Variants in SCUBE1 observed in about 807,000 individuals in gnomAD.
SCUBE1 encodes signal peptide, CUB domain and EGF like domain containing 1, also known as signal peptide, CUB and EGF-like domain-containing protein 1.
SCUBE1 carries 59 observed loss-of-function variants against 124.4 expected under a neutral mutation model. The observed-to-expected ratio is 0.47, with a 90% CI of 0.38 to 0.59. The LOEUF (loss-of-function observed/expected upper bound fraction) is 0.59, where lower values mean the gene tolerates loss of function less well. Among genes scored for constraint, SCUBE1 ranks in the 20% least tolerant of loss-of-function variants. The pLI is 0.00. For missense variants in SCUBE1, 1,150 were observed against 1,371.2 expected (o/e 0.84, Z 2.55); for synonymous variants, 545 against 550.9 (o/e 0.99, Z 0.15).
rs1189740596 is a variant in SCUBE1 at position 43,199,151 on chromosome 22, G to C, written c.*4846C>G. 5 of 95,988 alleles carry C rather than the reference G, an allele frequency of 5.2e-5. No homozygotes were observed. Among genetic ancestry groups the C allele is most frequent in the South Asian group, 2.5e-4 (1 of 4,040 alleles). 5.9% of individuals were successfully genotyped at this position (95,988 alleles called of 1,614,324 possible). A position where few individuals can be genotyped will look rare whatever the true frequency, so the allele number is the denominator to read the frequency against. Reference sequence around the variant, plus strand: ...GCACCAACTCCCTGTCTTTCTAGGAGCCTGGCACACAGGAGGTGCTCAGTA... The same window carrying C: ...GCACCAACTCCCTGTCTTTCTAGGACCCTGGCACACAGGAGGTGCTCAGTA... On this transcript the variant is annotated 3_prime_UTR_variant, in exon 22 of 22. Coordinates refer to ENST00000360835, the MANE Select transcript of SCUBE1 (RefSeq NM_173050.5).
At chr22:43,323,137 C>A (rs1441135606) in intron 2 of SCUBE1, among the ~76,000 whole-genome samples, 2 of 152,166 alleles carry the variant, frequency 1.3e-5, no homozygotes, top group Non-Finnish European at 2.9e-5. Flanking sequence ...TCACCCTTGG[C>A]ACATTTATAC....
At chr22:43,261,684 G>A (rs1923876169) in intron 5 of SCUBE1, among the ~76,000 whole-genome samples, 1 of 152,218 alleles carries the variant, frequency 6.6e-6, no homozygotes, top group South Asian at 2.1e-4. Context: ...CAGCTAGGGT[G>A]AGGACCACCT....
intron 1 of SCUBE1, 26 bp downstream of exon 1, chr22:43,343,148 G>GC: frequency 2.7e-6 from 3 of 1,123,392 alleles, no homozygotes; most frequent in Non-Finnish European, 3.3e-6. Context: ...CGCGCCCGCC[G>GC]CCCCCCACCT....
Position 43,296,719 on chromosome 22 carries a change from T to C in SCUBE1, c.350-5539A>G, listed in dbSNP as rs372677599. ...CAGCCTCTTTTGATGTACAACTGTA[T>C]CTGTGATTGTGCCATCGAACCGCCG... On this transcript the variant is annotated intron_variant, in intron 3 of 21. Coordinates refer to ENST00000360835, the MANE Select transcript of SCUBE1 (RefSeq NM_173050.5). Among the ~76,000 whole-genome samples the C allele has an allele frequency of 1.7e-3, 260 of 152,310 alleles. 2 individuals carry two copies. Among genetic ancestry groups the C allele is most frequent in the African/African-American group, 5.6e-3 (233 of 41,580 alleles).
intron 5 of SCUBE1, among the ~76,000 whole-genome samples, chr22:43,262,434 AC>A (rs1923905651): frequency 6.6e-6 from 1 of 151,986 alleles, no homozygotes; most frequent in South Asian, 2.1e-4. Flanking sequence ...CCACGGCCCC[AC>A]CATTCCTGCT....
chr22:43,340,846 G>A (rs1187747084), intron 1 of SCUBE1, among the ~76,000 whole-genome samples: 1 of 152,174 alleles, frequency 6.6e-6, no homozygotes, highest in Admixed American at 6.5e-5. Flanking sequence ...CCAGGGGTAA[G>A]CTTGGAATGT....
intron 16 of SCUBE1, 44 bp downstream of exon 16, chr22:43,214,046 C>CGGGGGGGGGGGGGGGGGGGGG: frequency 1.9e-5 from 8 of 422,698 alleles, no homozygotes; most frequent in Non-Finnish European, 2.5e-5. Flanking sequence ...GAGGAGCCCC[C>CGGGGGGGGGGGGGGGGGGGGG]GCCCACCCCC....
At chr22:43,239,148 T>TG (rs1166375606) in intron 6 of SCUBE1, 194 bp from the exon 7 acceptor site, 13 of 597,874 alleles carry the variant, frequency 2.2e-5, no homozygotes, top group Non-Finnish European at 3.6e-5. Flanking sequence ...ATCTGTGAAA[T>TG]GGGGGAATGA....
In SCUBE1 at chr22:43,197,863, C is replaced by T. The variant is rs1920953144; in HGVS notation, c.*6134G>A. Reference sequence around the variant, plus strand: ...AGGGAAGGAATGTCACTGAAGTCACCCTGGCCCGGGATCCTCCTGTTCTCT... The same window carrying T: ...AGGGAAGGAATGTCACTGAAGTCACTCTGGCCCGGGATCCTCCTGTTCTCT... On this transcript the variant is annotated 3_prime_UTR_variant, in exon 22 of 22. Coordinates refer to ENST00000360835, the MANE Select transcript of SCUBE1 (RefSeq NM_173050.5). 1.3e-5 allele frequency: 2 copies of T among 152,252 alleles called. No homozygotes were observed. The allele number at this position is 152,252 out of a possible 1,614,324, so 9.4% of individuals were successfully genotyped here.
At chr22:43,333,684 C>T (rs1056759342) in intron 2 of SCUBE1, among the ~76,000 whole-genome samples, 1 of 152,170 alleles carries the variant, frequency 6.6e-6, no homozygotes, top group African/African-American at 2.4e-5. Flanking sequence ...TATGGGACAG[C>T]CAGTTAAAAG....
intron 4 of SCUBE1, among the ~76,000 whole-genome samples, chr22:43,274,431 T>C (rs1478774771): frequency 6.6e-6 from 1 of 152,194 alleles, no homozygotes; most frequent in African/African-American, 2.4e-5. Flanking sequence ...ACAGGGACCC[T>C]AAAGGAAGCC....
chr22:43,272,865 G>A (rs1924345300), intron 4 of SCUBE1, among the ~76,000 whole-genome samples: 1 of 152,220 alleles, frequency 6.6e-6, no homozygotes, highest in African/African-American at 2.4e-5. Context: ...CACTGAGGAG[G>A]CTGAAGCCCA....
Position 43,210,857 on chromosome 22 carries a change from G to A in SCUBE1, c.2383+65C>T, listed in dbSNP as rs540820431. ...CTCGTGTGAGATCAGGTCTCCTCCCGCCCCCACAACCTGCCCAGCCCCTCC... is the reference window on the plus strand; with the variant it reads ...CTCGTGTGAGATCAGGTCTCCTCCCACCCCCACAACCTGCCCAGCCCCTCC... On this transcript the variant is annotated intron_variant, in intron 18 of 21. Transcript: ENST00000360835. The surrounding 1 kb of genome is among the most constrained non-coding windows in gnomAD (Gnocchi z 4.5). 23 of 1,188,976 alleles carry A rather than the reference G, an allele frequency of 1.9e-5. No individual in the cohort carries two copies. The highest frequency in any genetic ancestry group is 8.7e-5 in the Admixed American group (5 of 57,322). The allele number at this position is 1,188,976 out of a possible 1,614,324, so 73.7% of individuals were successfully genotyped here. A position where few individuals can be genotyped will look rare whatever the true frequency, so the allele number is the denominator to read the frequency against.
chr22:43,222,574 G>C, intron 12 of SCUBE1, 64 bp downstream of exon 12: 1 of 1,268,026 alleles, frequency 7.9e-7, no homozygotes, highest in East Asian at 2.6e-5. Flanking sequence ...TCCCCCGCCA[G>C]CATGTTGCTG....
intron 7 of SCUBE1, chr22:43,238,356 A>C: frequency 4.0e-6 from 1 of 247,422 alleles, no homozygotes; most frequent in Non-Finnish European, 7.7e-6. Context: ...CACTGTCCTT[A>C]TTTTTCCTGG....
At chr22:43,329,967 G>A (rs1330618509) in intron 2 of SCUBE1, among the ~76,000 whole-genome samples, 1 of 152,110 alleles carries the variant, frequency 6.6e-6, no homozygotes, top group African/African-American at 2.4e-5. Context: ...CAGAGGAAGG[G>A]GGCAGAGAGG....
At chr22:43,220,659 A>G (rs1026514950) in intron 13 of SCUBE1, 72 bp from the exon 14 acceptor site, 1 of 1,555,102 alleles carries the variant, frequency 6.4e-7, no homozygotes, top group Non-Finnish European at 8.7e-7. Context: ...AGCCCTGCAT[A>G]CAGAGTGCCA....
chr22:43,304,049 C>A (rs903642250), intron 3 of SCUBE1, among the ~76,000 whole-genome samples: 5 of 152,226 alleles, frequency 3.3e-5, no homozygotes, highest in African/African-American at 1.2e-4. Context: ...CGCAGCTGGG[C>A]AGCTACGGCC....
chr22:43,327,918 C>T (rs990365429), intron 2 of SCUBE1, among the ~76,000 whole-genome samples: 3 of 152,162 alleles, frequency 2.0e-5, no homozygotes, highest in African/African-American at 4.8e-5. Context: ...TGAATTATAT[C>T]GCGATAAAGC....
Sources: gnomAD v4.1 joint callset for allele counts (sites outside exome capture counted in the v4.1 genomes callset) on GRCh38, gnomAD v4.1.1 for gene constraint, Gnocchi (gnomAD v3.1) non-coding constraint, MANE v1.5 for transcripts, NCBI Gene and HGNC (gene_info 2026-07-23, HGNC 2026-07-21) for gene names.